Variants in APBB2 observed in about 807,000 individuals in gnomAD.
APBB2 encodes the protein amyloid beta precursor protein binding family B member 2, also known as Fe65-like 1.
APBB2 carries 38 observed loss-of-function variants against 82.5 expected under a neutral mutation model. The observed-to-expected ratio is 0.46, with a 90% CI of 0.36 to 0.60. APBB2 has a LOEUF of 0.60. Among genes scored for constraint, APBB2 ranks in the 20% least tolerant of loss-of-function variants. The pLI is 0.00. For missense variants in APBB2, 772 were observed against 972.3 expected (o/e 0.79, Z 2.74); for synonymous variants, 341 against 368.2 (o/e 0.93, Z 0.85).
intron 5 of APBB2, among the ~76,000 whole-genome samples, chr4:41,028,147 A>G (rs536942979): frequency 6.6e-6 from 1 of 152,236 alleles, no homozygotes; most frequent in East Asian, 1.9e-4. Context: ...CATTCAACAG[A>G]TATTTTTTGT....
At chr4:40,995,549 T>A (rs1194922443) in intron 6 of APBB2, among the ~76,000 whole-genome samples, 33 of 128,206 alleles carry the variant, frequency 2.6e-4, no homozygotes, top group African/African-American at 3.5e-4. Context: ...AAAAAAAAAA[T>A]TTTTTTTTTT....
intron 6 of APBB2, among the ~76,000 whole-genome samples, chr4:40,961,667 T>TAAAAAA (rs60942744): frequency 1.5e-5 from 1 of 68,248 alleles, no homozygotes; most frequent in African/African-American, 6.0e-5. Context: ...AAAAAAGATG[T>TAAAAAA]AAAAAAAAAA....
intron 3 of APBB2, among the ~76,000 whole-genome samples, chr4:41,094,101 T>C (rs1294124954): frequency 6.6e-6 from 1 of 152,190 alleles, no homozygotes; most frequent in Non-Finnish European, 1.5e-5. Flanking sequence ...TATAAATGTA[T>C]ACAATTTTTA....
chr4:40,830,459 T>C lies in APBB2; in HGVS notation c.1644+4A>G. On this transcript the variant is annotated splice_donor_region_variant and intron_variant, in intron 13 of 17. Transcript: ENST00000508593. ...GCGGCCCATACTGCCCTGACCCACCTTACCTTGGAGCAGATCTCGTGGAGA... is the reference window on the plus strand; with the variant it reads ...GCGGCCCATACTGCCCTGACCCACCCTACCTTGGAGCAGATCTCGTGGAGA... 6.2e-7 allele frequency: 1 copy of C among 1,609,968 alleles called. No individual in the cohort carries two copies. Among genetic ancestry groups the C allele is most frequent in the South Asian group, 1.1e-5 (1 of 90,996 alleles).
At chr4:41,213,815 T>TC (rs972331852) in intron 1 of APBB2, among the ~76,000 whole-genome samples, 85 of 152,136 alleles carry the variant, frequency 5.6e-4, no homozygotes, top group African/African-American at 2.0e-3. Flanking sequence ...AAGGAACTTT[T>TC]CCCCCCTTTC....
At chr4:40,856,847 G>A (rs1263936884) in intron 12 of APBB2, 1 of 732,808 alleles carries the variant, frequency 1.4e-6, no homozygotes, top group Non-Finnish European at 1.7e-6. Flanking sequence ...AGCCCTTCCA[G>A]CCGTCCAGGA....
chr4:40,846,016 GTGT>G (rs1757496672), intron 12 of APBB2, among the ~76,000 whole-genome samples: 1 of 2,130 alleles, frequency 4.7e-4, no homozygotes, highest in Non-Finnish European at 1.5e-3. Flanking sequence ...TGTGAGTGGG[GTGT>G]GTGTGTGTGT....
intron 1 of APBB2, among the ~76,000 whole-genome samples, chr4:41,176,985 G>A (rs1769980511): frequency 8.2e-6 from 1 of 122,284 alleles, no homozygotes. Flanking sequence ...TGAAAATAGT[G>A]TACCAAAAAA....
Position 41,013,834 on chromosome 4 carries a change from C to A in APBB2, c.584G>T (p.Gly195Val). The A allele has an allele frequency of 1.2e-6, 2 of 1,614,170 alleles. No homozygotes were observed. The highest frequency in any genetic ancestry group is 1.7e-6 in the Non-Finnish European group (2 of 1,180,028). Residue 195 changes from glycine to valine, a missense_variant, in exon 6 of 18, where the codon GGC becomes GTC. Coordinates refer to ENST00000508593, the MANE Select transcript of APBB2 (RefSeq NM_004307.2). ...ATTCCCAATGATGGTGGAGGCCTGG[C>A]CCTGGACTGGCTGGGATTTCTCTTC... Reference protein sequence around the residue: ...TAEEKSQPVQGQASTIIGNGD... With the variant: ...TAEEKSQPVQVQASTIIGNGD...
intron 10 of APBB2, among the ~76,000 whole-genome samples, chr4:40,929,154 C>T (rs1383112375): frequency 6.6e-6 from 1 of 151,700 alleles, no homozygotes; most frequent in Non-Finnish European, 1.5e-5. Flanking sequence ...TCTGTACTAT[C>T]TTTGTAACTT....
At chr4:41,045,483 G>A (rs1192538918) in intron 4 of APBB2, among the ~76,000 whole-genome samples, 8 of 151,856 alleles carry the variant, frequency 5.3e-5, no homozygotes, top group South Asian at 4.2e-4. Flanking sequence ...TAGTAGAGAC[G>A]GGGTTTCACC....
intron 10 of APBB2, 64 bp from the exon 11 acceptor site, chr4:40,893,475 C>T (rs1049706970): frequency 6.8e-7 from 1 of 1,464,638 alleles, no homozygotes. Context: ...TCAGTTTACA[C>T]TACTCCCCTC....
intron 5 of APBB2, among the ~76,000 whole-genome samples, chr4:41,015,171 A>C (rs1184725885): frequency 6.6e-6 from 1 of 152,248 alleles, no homozygotes; most frequent in Non-Finnish European, 1.5e-5. Context: ...TGCAGTCATC[A>C]CATGCCTCTG....
At chr4:41,185,585 A>G (rs146603461) in intron 1 of APBB2, among the ~76,000 whole-genome samples, 144 of 152,300 alleles carry the variant, frequency 9.5e-4, no homozygotes, top group Non-Finnish European at 1.7e-3. Context: ...TTCTTTATTG[A>G]CTATGTCAAA....
intron 15 of APBB2, among the ~76,000 whole-genome samples, chr4:40,825,525 G>A (rs555551253): frequency 3.3e-5 from 5 of 152,320 alleles, no homozygotes; most frequent in South Asian, 2.1e-4. Context: ...CTCCTGGCCC[G>A]CCAGCTGACA....
intron 4 of APBB2, among the ~76,000 whole-genome samples, chr4:41,042,269 G>A (rs570859731): frequency 2.0e-4 from 30 of 152,312 alleles, no homozygotes; most frequent in South Asian, 1.7e-3. Flanking sequence ...GATTACAGGC[G>A]TGAGCCACCG....
At chr4:40,960,597 G>A (rs897291482) in intron 6 of APBB2, among the ~76,000 whole-genome samples, 8 of 151,594 alleles carry the variant, frequency 5.3e-5, no homozygotes, top group Non-Finnish European at 7.4e-5. Flanking sequence ...ACAGGCACCC[G>A]CCACCATGCC....
At chr4:41,202,009 C>T (rs576953940) in intron 1 of APBB2, among the ~76,000 whole-genome samples, 27 of 152,310 alleles carry the variant, frequency 1.8e-4, no homozygotes, top group Non-Finnish European at 3.4e-4. Context: ...GCTTCAGACC[C>T]AGCAGCAGAT....
At chr4:41,007,821 A>G (rs770810111) in intron 6 of APBB2, among the ~76,000 whole-genome samples, 4 of 152,238 alleles carry the variant, frequency 2.6e-5, no homozygotes, top group Non-Finnish European at 4.4e-5. Flanking sequence ...AGAAGTTCAT[A>G]TACACACATA....
Sources: gnomAD v4.1 joint callset for allele counts (sites outside exome capture counted in the v4.1 genomes callset) on GRCh38, gnomAD v4.1.1 for gene constraint, MANE v1.5 for transcripts, NCBI Gene and HGNC (gene_info 2026-07-23, HGNC 2026-07-21) for gene names.